UTRN: variants seen among roughly 807,000 people sequenced by gnomAD.
The protein encoded by UTRN is dystrophin-related protein 1.
A neutral mutation model predicts 463.9 loss-of-function variants in UTRN; 283 were observed. The ratio of observed to expected loss-of-function variants is 0.61; its 90% CI spans 0.55 to 0.67. The LOEUF is 0.67. Ranked by LOEUF, UTRN falls within the 30% of genes least tolerant of loss-of-function variation. The pLI, the probability that UTRN is intolerant of heterozygous loss-of-function variation, is 0.00. For synonymous variants in UTRN, 1,442 were observed against 1,431.5 expected, an observed-to-expected ratio of 1.01 and a Z score of -0.17; for missense variants, 3,922 against 4,084.3, an observed-to-expected ratio of 0.96 and a Z score of 1.08.
At chr6:144,510,377 G>T (rs1186810195) in intron 34 of UTRN, among the ~76,000 whole-genome samples, 2 of 152,152 alleles carry the variant, frequency 1.3e-5, no homozygotes, top group East Asian at 3.8e-4. Context: ...CCAAAGCTTA[G>T]ACTTGCTGCT....
At chr6:144,753,860 C>G (rs1023561086) in intron 56 of UTRN, among the ~76,000 whole-genome samples, 1 of 152,054 alleles carries the variant, frequency 6.6e-6, no homozygotes, top group Admixed American at 6.6e-5. Flanking sequence ...GAGTGAGACT[C>G]TGTCTTTACA....
At chr6:144,658,552 C>G (rs1000593556) in intron 51 of UTRN, among the ~76,000 whole-genome samples, 1 of 151,840 alleles carries the variant, frequency 6.6e-6, no homozygotes, top group African/African-American at 2.4e-5. Context: ...CCCCCCCCCA[C>G]TTTGGTCTAT....
intron 41 of UTRN, among the ~76,000 whole-genome samples, chr6:144,529,012 G>A (rs1051006323): frequency 1.1e-4 from 16 of 152,180 alleles, no homozygotes; most frequent in Admixed American, 1.0e-3. Context: ...CCAGGCCAGT[G>A]GAGTTATGTT....
intron 51 of UTRN, among the ~76,000 whole-genome samples, chr6:144,594,064 T>G (rs1803389539): frequency 6.6e-6 from 1 of 152,212 alleles, no homozygotes; most frequent in Non-Finnish European, 1.5e-5. Context: ...ATGTTATGAC[T>G]TAGTTGATGA....
At chr6:144,551,163 A>G in intron 48 of UTRN, 81 bp downstream of exon 48, 1 of 819,304 alleles carries the variant, frequency 1.2e-6, no homozygotes, top group Non-Finnish European at 1.8e-6. Flanking sequence ...ACACACACAC[A>G]CACACAAACA....
intron 22 of UTRN, 42 bp downstream of exon 22, chr6:144,461,384 A>G (rs1459610895): frequency 7.0e-7 from 1 of 1,424,106 alleles, no homozygotes; most frequent in Non-Finnish European, 9.3e-7. Context: ...CGCTTCTTCT[A>G]ATATCTCCTC....
chr6:144,339,050 A>G (rs1776940888), intron 2 of UTRN, among the ~76,000 whole-genome samples: 2 of 152,192 alleles, frequency 1.3e-5, no homozygotes, highest in East Asian at 1.9e-4. Flanking sequence ...GTAATATATG[A>G]CTTGTGCTAT....
At chr6:144,456,952 T>C (rs1255544745) in intron 19 of UTRN, among the ~76,000 whole-genome samples, 1 of 152,132 alleles carries the variant, frequency 6.6e-6, no homozygotes, top group Non-Finnish European at 1.5e-5. Context: ...TAAAGTCAAG[T>C]GAGACTGAGT....
At chr6:144,330,735 A>C in intron 2 of UTRN, 1 of 806,940 alleles carries the variant, frequency 1.2e-6, no homozygotes, top group Non-Finnish European at 1.5e-6. Context: ...GACAGAGCAG[A>C]CCAGGATTGG....
At chr6:144,717,954 C>CA (rs1786692006) in intron 53 of UTRN, among the ~76,000 whole-genome samples, 1 of 151,948 alleles carries the variant, frequency 6.6e-6, no homozygotes, top group African/African-American at 2.4e-5. Context: ...GCACCTGGCC[C>CA]ATTTTTTTCA....
At chr6:144,361,626 G>A (rs1044917054) in intron 2 of UTRN, among the ~76,000 whole-genome samples, 1 of 152,034 alleles carries the variant, frequency 6.6e-6, no homozygotes, top group Admixed American at 6.6e-5. Context: ...GTCTCACTCT[G>A]TTACCCAGGC....
chr6:144,632,330 C>T (rs1776615453), intron 51 of UTRN, among the ~76,000 whole-genome samples: 1 of 152,120 alleles, frequency 6.6e-6, no homozygotes, highest in Non-Finnish European at 1.5e-5. Context: ...AAATCAAAAG[C>T]TGAGAAACGT....
chr6:144,559,420 T>C (rs1799667106), intron 50 of UTRN, among the ~76,000 whole-genome samples: 3 of 152,142 alleles, frequency 2.0e-5, no homozygotes, highest in Admixed American at 2.0e-4. Context: ...TCGTGAATGA[T>C]AACTAGGGCT....
chr6:144,392,805 C>T (rs1484770002), intron 2 of UTRN, among the ~76,000 whole-genome samples: 1 of 152,146 alleles, frequency 6.6e-6, no homozygotes, highest in East Asian at 1.9e-4. Flanking sequence ...CTTAGCGTTC[C>T]TTTCATAATT....
intron 2 of UTRN, among the ~76,000 whole-genome samples, chr6:144,381,826 G>C (rs564074366): frequency 2.0e-5 from 3 of 152,224 alleles, no homozygotes; most frequent in South Asian, 2.1e-4. Context: ...GCCCAGTCTT[G>C]GGTATATGTT....
At chr6:144,748,707 C>T (rs552475783) in intron 55 of UTRN, among the ~76,000 whole-genome samples, 193 bp downstream of exon 55, 1 of 152,268 alleles carries the variant, frequency 6.6e-6, no homozygotes, top group East Asian at 1.9e-4. Flanking sequence ...AACCCCCTGC[C>T]CCCAAATAAC....
intron 51 of UTRN, among the ~76,000 whole-genome samples, chr6:144,617,786 G>C (rs1806294474): frequency 6.6e-6 from 1 of 152,110 alleles, no homozygotes; most frequent in Non-Finnish European, 1.5e-5. Flanking sequence ...ACCTTGCATT[G>C]AATAAGCTGC....
intron 33 of UTRN, among the ~76,000 whole-genome samples, chr6:144,494,262 T>C (rs938050698): frequency 1.3e-4 from 20 of 152,226 alleles, no homozygotes; most frequent in East Asian, 3.9e-4. Flanking sequence ...TGGAGTTTCT[T>C]CCTTCTGGTG....
intron 44 of UTRN, among the ~76,000 whole-genome samples, chr6:144,538,633 G>A (rs900311921): frequency 8.1e-5 from 12 of 148,636 alleles, no homozygotes; most frequent in Admixed American, 7.4e-4. Context: ...TCGTGCCACT[G>A]CACTCCAGCC....
Sources: allele counts gnomAD v4.1 joint callset (sites outside exome capture counted in the v4.1 genomes callset), GRCh38; gene constraint gnomAD v4.1.1; transcripts MANE v1.5; gene names NCBI Gene and HGNC (gene_info 2026-07-23, HGNC 2026-07-21).